R3HCC1: variants seen among roughly 807,000 people sequenced by gnomAD.
R3HCC1 encodes the protein R3H domain and coiled-coil containing 1, also known as R3H and coiled-coil domain-containing protein 1.
Under a neutral mutation model 40.0 loss-of-function variants are expected in R3HCC1, and 32 were observed. The observed-to-expected ratio is 0.80, with a 90% CI of 0.60 to 1.07. R3HCC1 has a LOEUF of 1.07. R3HCC1 is among the 50% of genes least tolerant of loss of function. The pLI is 0.00. For synonymous variants in R3HCC1, 237 were observed against 232.8 expected (o/e 1.02, Z -0.17); for missense variants, 586 against 563.3 (o/e 1.04, Z -0.41).
intron 2 of R3HCC1, 136 bp downstream of exon 2, chr8:23,288,769 C>T (rs1051601894): frequency 1.8e-6 from 2 of 1,134,642 alleles, no homozygotes; most frequent in Non-Finnish European, 2.5e-6. Flanking sequence ...CGCCAGCTGC[C>T]TCTTTTAGCT....
At position 23,290,341 on chromosome 8, in the gene R3HCC1, C is replaced by T. The variant is rs115169267; in HGVS notation, c.724C>T (p.Leu242=). ...GTTTGGGTCCACCCTGCAGCTAGAC[C>T]TGGAAAAGGGGAAGGAGAGTCTGTT... is the stretch of plus-strand genomic sequence containing the variant. The change falls in exon 4 of 8, where the codon CTG becomes TTG. Residue 242 remains leucine (L), a synonymous_variant. Coordinates refer to ENST00000265806, the MANE Select transcript of R3HCC1 (RefSeq NM_001136108.3). The T allele has an allele frequency of 4.1e-4, 643 of 1,551,790 alleles. 2 individuals are homozygous for T. The African/African-American group carries it at 7.9e-3, about 19-fold the overall frequency.
Position 23,289,095 on chromosome 8 carries a change from A to G in R3HCC1, c.190A>G (p.Ser64Gly). 1.3e-6 allele frequency: 2 copies of G among 1,536,434 alleles called. No individual in the cohort carries two copies. The highest frequency in any genetic ancestry group is 2.4e-5 in the East Asian group (1 of 40,908). The stretch of plus-strand genomic sequence containing the variant: ...AGCAGAGAATTTTGATCTCTTGAGC[A>G]GCTTCTCCGTTGGGGAGGGCTGGAA... Residue 64 changes from serine (S) to glycine (G), a missense_variant, in exon 3 of 8, where the codon AGC becomes GGC. Transcript: ENST00000265806.
intron 1 of R3HCC1, 26 bp from the exon 2 acceptor site, chr8:23,288,480 C>A: frequency 6.5e-7 from 1 of 1,535,176 alleles, no homozygotes; most frequent in South Asian, 1.2e-5. Flanking sequence ...TGCTCTGATT[C>A]CCGGCCCTGC....
In R3HCC1 at chr8:23,290,395, G is replaced by C. The variant is rs1387457620; in HGVS notation, c.778G>C (p.Glu260Gln). 1.9e-6 allele frequency: 3 copies of C among 1,551,642 alleles called. No homozygotes were observed. The African/African-American group carries it at 4.1e-5, about 21-fold the overall frequency. The stretch of plus-strand genomic sequence containing the variant: ...GAAGAGGCTGGTGGCAGAGGAGGAA[G>C]AGGACGAAGAGGAGGTGGAAGAGGA... The change falls in exon 4 of 8, where the codon GAG becomes CAG. Residue 260 changes from glutamate to glutamine, a missense_variant. Coordinates refer to ENST00000265806, the MANE Select transcript of R3HCC1 (RefSeq NM_001136108.3).
rs531923692 is a variant in R3HCC1, at chr8:23,293,407, G to A, written c.1096+34G>A. The A allele has an allele frequency of 8.6e-6, 13 of 1,515,136 alleles. No homozygotes were observed. The South Asian group carries it at 1.3e-4, about 15-fold the overall frequency. 93.9% of individuals were successfully genotyped at this position (1,515,136 alleles called of 1,614,324 possible). ...CCCCCAGTGGGCCCAGCCCTTGCTC[G>A]GATCCCTGTTGAGAGGGAGGACCCT... On this transcript the variant is annotated intron_variant, in intron 6 of 7. Coordinates refer to ENST00000265806, the MANE Select transcript of R3HCC1 (RefSeq NM_001136108.3).
At position 23,289,852 on chromosome 8, in the gene R3HCC1, C is replaced by T. The variant is rs916610313; in HGVS notation, c.249-14C>T. The stretch of plus-strand genomic sequence containing the variant: ...CCTACACACTCTGATTACCTCCTCC[C>T]ATTCCTGCTCCAGGGTACCCAGTTC... On this transcript the variant is annotated splice_polypyrimidine_tract_variant and intron_variant, in intron 3 of 7. Transcript: ENST00000265806. 7.4e-6 allele frequency: 11 copies of T among 1,489,448 alleles called. No homozygotes were observed. Among genetic ancestry groups the T allele is most frequent in the East Asian group, 2.5e-5 (1 of 40,544 alleles). The allele number at this position is 1,489,448 out of a possible 1,614,324, so 92.3% of individuals were successfully genotyped here.
At chr8:23,291,618 C>T in intron 5 of R3HCC1, 85 bp downstream of exon 5, 1 of 1,517,290 alleles carries the variant, frequency 6.6e-7, no homozygotes, top group Non-Finnish European at 8.9e-7. Context: ...GCCCCACACC[C>T]AGTGCCTAAT....
rs1207130882 is a variant in R3HCC1, at chr8:23,294,875, C to T, written c.1192+11C>T. ...CCTTGCAGAGGCCAAGTAAGGAAAG[C>T]GCATGTCCCTGAATAGGGAGGCTGT... is the stretch of plus-strand genomic sequence containing the variant. On this transcript the variant is annotated intron_variant, in intron 7 of 7. Coordinates refer to ENST00000265806, the MANE Select transcript of R3HCC1 (RefSeq NM_001136108.3). 41 of 1,538,312 alleles carry T rather than the reference C, an allele frequency of 2.7e-5. No homozygotes were observed. The highest frequency in any genetic ancestry group is 1.7e-4 in the African/African-American group (12 of 72,662).
At chr8:23,288,301 C>A in intron 1 of R3HCC1, 144 bp downstream of exon 1, 1 of 1,110,356 alleles carries the variant, frequency 9.0e-7, no homozygotes, top group Non-Finnish European at 1.2e-6. Context: ...CAGCATCCGA[C>A]CGCAGGCGGG....
intron 3 of R3HCC1, among the ~76,000 whole-genome samples, chr8:23,289,663 G>A (rs1194359695): frequency 1.3e-5 from 2 of 152,344 alleles, no homozygotes; most frequent in Middle Eastern, 3.4e-3. Flanking sequence ...CAGCACTAGA[G>A]GGCAAGCTGG....
chr8:23,288,252 C>T, intron 1 of R3HCC1, 95 bp downstream of exon 1: 4 of 1,168,080 alleles, frequency 3.4e-6, no homozygotes, highest in Non-Finnish European at 3.3e-6. Flanking sequence ...CCCCCGTGAG[C>T]CCCGGGAAGG....
rs138104708 is a variant in R3HCC1 at position 23,294,988 on chromosome 8, G to A, written c.1192+124G>A. The A allele has an allele frequency of 5.8e-4, 436 of 750,928 alleles. 2 individuals carry two copies. The African/African-American group carries it at 6.6e-3, about 11-fold the overall frequency. 46.5% of individuals were successfully genotyped at this position (750,928 alleles called of 1,614,324 possible). On this transcript the variant is annotated intron_variant, in intron 7 of 7. Transcript: ENST00000265806. ...GTCTTCCCCTCTGTTAATTCTTCCC[G>A]CTTGACTTCTCTGCTCTTAGGGAGC... is the stretch of plus-strand genomic sequence containing the variant.
In R3HCC1 at chr8:23,294,884, C is replaced by T. The variant is rs1431319127; in HGVS notation, c.1192+20C>T. The T allele has an allele frequency of 3.3e-6, 5 of 1,517,744 alleles. No homozygotes were observed. The Admixed American group carries it at 5.9e-5, about 18-fold the overall frequency. The allele number at this position is 1,517,744 out of a possible 1,614,324, so 94.0% of individuals were successfully genotyped here. A position where few individuals can be genotyped will look rare whatever the true frequency, so the allele number is the denominator to read the frequency against. The stretch of plus-strand genomic sequence containing the variant: ...GGCCAAGTAAGGAAAGCGCATGTCC[C>T]TGAATAGGGAGGCTGTGTGTGTGTG... On this transcript the variant is annotated intron_variant, in intron 7 of 7. Coordinates refer to ENST00000265806, the MANE Select transcript of R3HCC1 (RefSeq NM_001136108.3).
intron 5 of R3HCC1, among the ~76,000 whole-genome samples, chr8:23,292,075 T>G (rs1585333763): frequency 1.3e-5 from 2 of 152,324 alleles, no homozygotes; most frequent in East Asian, 3.9e-4. Flanking sequence ...TTTTCCTTTT[T>G]TTTCTCATTT....
chr8:23,293,297 G>C lies in R3HCC1; in HGVS notation c.1026-6G>C, dbSNP rs372122745. 1 of 1,550,634 alleles carries C rather than the reference G, an allele frequency of 6.4e-7. No individual in the cohort carries two copies. The highest frequency in any genetic ancestry group is 2.4e-5 in the East Asian group (1 of 40,872). On this transcript the variant is annotated splice_polypyrimidine_tract_variant and splice_region_variant and intron_variant, in intron 5 of 7. Transcript: ENST00000265806. ...TGAATGTGCTGTCTCCTCTCTCGCC[G>C]CACAGAGAGAAGGGGTTCAGGATTC...
chr8:23,294,885 T>TATTCAGGGACATGC, intron 7 of R3HCC1, 21 bp downstream of exon 7: 1 of 1,513,250 alleles, frequency 6.6e-7, no homozygotes, highest in Non-Finnish European at 9.0e-7. Flanking sequence ...CGCATGTCCC[T>TATTCAGGGACATGC]GAATAGGGAG....
chr8:23,289,246 C>A, intron 3 of R3HCC1, 93 bp downstream of exon 3: 1 of 1,413,266 alleles, frequency 7.1e-7, no homozygotes, highest in Non-Finnish European at 9.5e-7. Flanking sequence ...CTGGGGGGAA[C>A]CAGGGCTGGG....
At chr8:23,291,338 G>GC in intron 4 of R3HCC1, 23 bp from the exon 5 acceptor site, 1 of 1,541,624 alleles carries the variant, frequency 6.5e-7, no homozygotes, top group Non-Finnish European at 8.8e-7. Flanking sequence ...AGCTCCCCTT[G>GC]CTAAGGGTCC....
chr8:23,295,980 G>A lies in R3HCC1; in HGVS notation c.1206G>A (p.Leu402=), dbSNP rs1428028208. Residue 402 remains leucine, a synonymous_variant, in exon 8 of 8, where the codon CTG becomes CTA. Transcript: ENST00000265806. ...CTTTCCTTCTAGAACTCCTGCGTCT[G>A]GTGAAGGAGAGGCCACAGACAAATG... 1 of 1,550,520 alleles carries A rather than the reference G, an allele frequency of 6.4e-7. No homozygotes were observed. The highest frequency in any genetic ancestry group is 1.2e-5 in the South Asian group (1 of 84,026).
Sources: gnomAD v4.1 joint callset for allele counts (sites outside exome capture counted in the v4.1 genomes callset) on GRCh38, gnomAD v4.1.1 for gene constraint, MANE v1.5 for transcripts, NCBI Gene and HGNC (gene_info 2026-07-23, HGNC 2026-07-21) for gene names.